Variants in SDK2 observed in about 807,000 individuals in gnomAD.
SDK2 encodes protein sidekick-2.
SDK2 carries 105 observed loss-of-function variants against 253.9 expected under a neutral mutation model. That is an observed-to-expected ratio of 0.41 (90% confidence interval 0.35 to 0.49). The LOEUF (loss-of-function observed/expected upper bound fraction) is 0.49, where lower values mean the gene tolerates loss of function less well. Among genes scored for constraint, SDK2 ranks in the 20% least tolerant of loss-of-function variants. The pLI, the probability that SDK2 is intolerant of heterozygous loss-of-function variation, is 0.06. For missense variants in SDK2, 2,608 were observed against 3,003.0 expected, an observed-to-expected ratio of 0.87 and a Z score of 3.07; for synonymous variants, 1,249 against 1,234.9, an observed-to-expected ratio of 1.01 and a Z score of -0.24.
In SDK2 at chr17:73,395,318, C is replaced by A; in HGVS notation, c.3429G>T (p.Gly1143=). 6.2e-7 allele frequency: 1 copy of A among 1,614,006 alleles called. No homozygotes were observed. Among genetic ancestry groups the A allele is most frequent in the African/African-American group, 1.3e-5 (1 of 75,052 alleles). ...GYKIKYSRSD[G]HGKTLSHVVQ... Reference sequence around the variant, plus strand: ...CCACGTGGCTCAGCGTCTTGCCATGCCCGTCTGACCGGCTGTACTTGATCT... The same window carrying A: ...CCACGTGGCTCAGCGTCTTGCCATGACCGTCTGACCGGCTGTACTTGATCT... Residue 1143 remains glycine, a synonymous_variant, in exon 25 of 45, where the codon GGG becomes GGT. Coordinates refer to ENST00000392650, the MANE Select transcript of SDK2 (RefSeq NM_001144952.2). The surrounding 1 kb of genome is among the most constrained non-coding windows in gnomAD (Gnocchi z 4.3).
In SDK2 at chr17:73,435,572, C is replaced by A; in HGVS notation, c.1073G>T (p.Arg358Leu). The A allele has an allele frequency of 6.3e-7, 1 of 1,584,190 alleles. No homozygotes were observed. Residue 358 changes from arginine to leucine, a missense_variant, in exon 9 of 45, where the codon CGG (arginine) becomes CTG (leucine). Arg to Leu is a moderately radical substitution (Grantham distance 102, BLOSUM62 -2). Coordinates refer to ENST00000392650, the MANE Select transcript of SDK2 (RefSeq NM_001144952.2). This position sits in a 1 kb window ranked among gnomAD's most constrained non-coding sequence, Gnocchi z 5.7. ...CTGCAGGCCCCCGTCGTTGCGCTGC[C>A]GGAAGCGGGTCAACTTCTCCACCTC... is the stretch of plus-strand genomic sequence containing the variant. ...VVEVEKLTRF[R>L]QRNDGGLQIS...
intron 1 of SDK2, among the ~76,000 whole-genome samples, chr17:73,544,696 C>A (rs2044927941): frequency 6.6e-6 from 1 of 152,192 alleles, no homozygotes; most frequent in African/African-American, 2.4e-5. Flanking sequence ...TGTCAAGAAT[C>A]ACCTCAGAAA....
intron 1 of SDK2, among the ~76,000 whole-genome samples, chr17:73,525,720 C>T (rs974728461): frequency 2.6e-5 from 4 of 152,158 alleles, no homozygotes; most frequent in Non-Finnish European, 5.9e-5. Flanking sequence ...CCCTTTTGCA[C>T]TGGCTCCCCC....
In SDK2 at chr17:73,395,417, G is replaced by C; in HGVS notation, c.3355-25C>G. ...GCTGCAGCGGGGCAGGGGTGGCAAA[G>C]CTGCTATGAGCCAGGCCCCCCACTG... On this transcript the variant is annotated intron_variant, in intron 24 of 44. Transcript: ENST00000392650. This position sits in a 1 kb window ranked among gnomAD's most constrained non-coding sequence, Gnocchi z 4.3. 1 of 1,592,618 alleles carries C rather than the reference G, an allele frequency of 6.3e-7. No homozygotes were observed. Among genetic ancestry groups the C allele is most frequent in the Non-Finnish European group, 8.6e-7 (1 of 1,161,216 alleles).
rs1396498689 is a variant in SDK2 at position 73,338,231 on chromosome 17, C to T, written c.*356G>A. ...GAAGCTTTTTCTTCCCTCGGCCACG[C>T]CTGCCTGGCGGCCTCCAGTCCTTAG... On this transcript the variant is annotated 3_prime_UTR_variant, in exon 45 of 45. Coordinates refer to ENST00000392650, the MANE Select transcript of SDK2 (RefSeq NM_001144952.2). This position sits in a 1 kb window ranked among gnomAD's most constrained non-coding sequence, Gnocchi z 5.0. The T allele has an allele frequency of 2.5e-6, 1 of 407,832 alleles. No individual in the cohort carries two copies. The highest frequency in any genetic ancestry group is 1.9e-5 in the South Asian group (1 of 52,264). 25.3% of individuals were successfully genotyped at this position (407,832 alleles called of 1,614,324 possible).
At chr17:73,397,189 G>T (rs936050436) in intron 24 of SDK2, among the ~76,000 whole-genome samples, 19 of 152,150 alleles carry the variant, frequency 1.2e-4, no homozygotes, top group African/African-American at 2.4e-5. Context: ...TGTGGTATGT[G>T]GTGCTGTTCC....
chr17:73,636,769 G>T (rs2046337477), intron 1 of SDK2, among the ~76,000 whole-genome samples: 1 of 147,760 alleles, frequency 6.8e-6, no homozygotes, highest in Non-Finnish European at 1.5e-5. Flanking sequence ...ATACAGCAAA[G>T]ATACCAGAGA....
At chr17:73,370,597 C>T (rs1036956742) in intron 36 of SDK2, among the ~76,000 whole-genome samples, 3 of 151,610 alleles carry the variant, frequency 2.0e-5, no homozygotes, top group Admixed American at 1.3e-4. Context: ...CTCATTTTGT[C>T]ACGCAGACTG....
At chr17:73,578,701 A>G (rs1292528655) in intron 1 of SDK2, among the ~76,000 whole-genome samples, 1 of 152,072 alleles carries the variant, frequency 6.6e-6, no homozygotes, top group Non-Finnish European at 1.5e-5. Flanking sequence ...AGGGGCAGGG[A>G]TTGGGGTTGG....
intron 1 of SDK2, among the ~76,000 whole-genome samples, chr17:73,550,371 T>G (rs537899712): frequency 6.6e-6 from 1 of 152,276 alleles, no homozygotes; most frequent in South Asian, 2.1e-4. Context: ...TTTGTCCCGC[T>G]GGGAAAATAG....
At chr17:73,453,352 C>A (rs377709229) in intron 4 of SDK2, among the ~76,000 whole-genome samples, 8 of 151,064 alleles carry the variant, frequency 5.3e-5, no homozygotes, top group African/African-American at 1.9e-4. Flanking sequence ...GTGTATTGCT[C>A]TAAGCCACTG....
At chr17:73,341,339 G>C (rs1475765882) in intron 44 of SDK2, among the ~76,000 whole-genome samples, 1 of 150,098 alleles carries the variant, frequency 6.7e-6, no homozygotes, top group African/African-American at 2.5e-5. Context: ...AGTAAAATCT[G>C]AATTGTGGAG....
At position 73,511,310 on chromosome 17, in the gene SDK2, A is replaced by G. The variant is rs1109448; in HGVS notation, c.65-3713T>C. On this transcript the variant is annotated intron_variant, in intron 1 of 44. Coordinates refer to ENST00000392650, the MANE Select transcript of SDK2 (RefSeq NM_001144952.2). The surrounding 1 kb of genome is among the most constrained non-coding windows in gnomAD (Gnocchi z 4.9). The stretch of plus-strand genomic sequence containing the variant: ...GTCAGAGGGGCTGGGCAGTGTGTGT[A>G]TCTGCATGCACACATGTGCATATGT... Among the ~76,000 whole-genome samples the G allele has an allele frequency of 0.28, 42,843 of 152,158 alleles. 6,291 individuals are homozygous for G. Among genetic ancestry groups the G allele is most frequent in the Non-Finnish European group, 0.32 (21,629 of 67,988 alleles).
Position 73,435,511 on chromosome 17 carries a change from G to T in SDK2, c.1134C>A (p.Phe378Leu), listed in dbSNP as rs1331280542. 1 of 1,601,296 alleles carries T rather than the reference G, an allele frequency of 6.2e-7. No individual in the cohort carries two copies. Among genetic ancestry groups the T allele is most frequent in the Non-Finnish European group, 8.5e-7 (1 of 1,174,358 alleles). Residue 378 changes from phenylalanine to leucine, a missense_variant, in exon 9 of 45, where the codon TTC (phenylalanine) becomes TTA (leucine). Phe to Leu is a conservative substitution (Grantham distance 22). This residue lies in a region of SDK2 where 1,505 missense variants were observed against 1,859.1 expected (regional missense o/e 0.81). Coordinates refer to ENST00000392650, the MANE Select transcript of SDK2 (RefSeq NM_001144952.2). The surrounding 1 kb of genome is among the most constrained non-coding windows in gnomAD (Gnocchi z 5.7). ...CGGCTGCATTGCGGGCGAAGCACTG[G>T]AACATGCCGGTATCATCGGGCACCA... is the stretch of plus-strand genomic sequence containing the variant. The part of the protein sequence containing the change: ...SGLVPDDTGM[F>L]QCFARNAAGE...
chr17:73,588,387 CA>C (rs1215654213), intron 1 of SDK2, among the ~76,000 whole-genome samples: 3,425 of 59,022 alleles, frequency 0.058, 24 homozygotes, highest in Non-Finnish European at 0.075. Flanking sequence ...AACTCCATCT[CA>C]AAAAAAAAAA....
chr17:73,385,342 G>T (rs546977088), intron 32 of SDK2, among the ~76,000 whole-genome samples: 1 of 152,284 alleles, frequency 6.6e-6, no homozygotes, highest in East Asian at 1.9e-4. Flanking sequence ...TCTGGAAGGG[G>T]TATGGACGAA....
intron 8 of SDK2, among the ~76,000 whole-genome samples, chr17:73,436,352 G>C (rs2063368680): frequency 6.6e-6 from 1 of 152,072 alleles, no homozygotes; most frequent in African/African-American, 2.4e-5. Context: ...TGAGGCGGGT[G>C]GATCACCTGA....
At chr17:73,385,773 G>A in intron 32 of SDK2, 74 bp downstream of exon 32, 1 of 1,379,864 alleles carries the variant, frequency 7.2e-7, no homozygotes, top group Non-Finnish European at 1.0e-6. Context: ...CCCTGGTGGG[G>A]ACTGCTGGCT....
intron 1 of SDK2, among the ~76,000 whole-genome samples, chr17:73,576,978 G>A (rs1017883535): frequency 2.0e-5 from 3 of 152,192 alleles, no homozygotes; most frequent in East Asian, 3.9e-4. Flanking sequence ...CAGAGGCTTC[G>A]GAGCGTGGGA....
Sources: allele counts gnomAD v4.1 joint callset (sites outside exome capture counted in the v4.1 genomes callset), GRCh38; gene constraint gnomAD v4.1.1; regional missense constraint gnomAD v4.1.1; non-coding constraint Gnocchi (gnomAD v3.1); transcripts MANE v1.5; gene names NCBI Gene and HGNC (gene_info 2026-07-23, HGNC 2026-07-21).